The following CNBD1 variants were observed in gnomAD, a reference collection of about 807,000 sequenced individuals.
CNBD1 encodes cyclic nucleotide-binding domain-containing protein 1.
Under a neutral mutation model 54.4 loss-of-function variants are expected in CNBD1, and 71 were observed. The observed-to-expected ratio is 1.30, with a 90% confidence interval of 1.08 to 1.59. CNBD1 has a LOEUF of 1.59. CNBD1 is among the 40% of genes most tolerant of loss of function. The pLI is 0.00. For synonymous variants in CNBD1, 182 were observed against 170.7 expected, an observed-to-expected ratio of 1.07 and a Z score of -0.51; for missense variants, 659 against 518.0, an observed-to-expected ratio of 1.27 and a Z score of -2.64.
chr8:87,234,757 A>G (rs1807537559), intron 5 of CNBD1, among the ~76,000 whole-genome samples: 1 of 152,144 alleles, frequency 6.6e-6, no homozygotes, highest in Non-Finnish European at 1.5e-5. Flanking sequence ...GCTGCATGTC[A>G]CAGTCAGCTG....
At chr8:87,243,169 A>G (rs771236660) in intron 6 of CNBD1, among the ~76,000 whole-genome samples, 1 of 152,236 alleles carries the variant, frequency 6.6e-6, no homozygotes, top group Non-Finnish European at 1.5e-5. Context: ...ACTGCCCAGT[A>G]CATCTGAGGT....
chr8:87,247,632 A>C (rs927653950), intron 6 of CNBD1, among the ~76,000 whole-genome samples: 2 of 151,934 alleles, frequency 1.3e-5, no homozygotes, highest in Admixed American at 1.3e-4. Flanking sequence ...TTTTTTTTCT[A>C]TAAGAAATCT....
chr8:87,129,094 A>AAAAAAAAAAAAAAAAAAAAAAT (rs1491092510), intron 4 of CNBD1, among the ~76,000 whole-genome samples: 1 of 136,292 alleles, frequency 7.3e-6, no homozygotes, highest in Non-Finnish European at 1.5e-5. Flanking sequence ...AAAAAAAAGA[A>AAAAAAAAAAAAAAAAAAAAAAT]TTTTGCTATC....
chr8:87,262,954 T>G (rs4574862), intron 6 of CNBD1, among the ~76,000 whole-genome samples: 42,785 of 152,010 alleles, frequency 0.28, 6,472 homozygotes, highest in African/African-American at 0.39. Flanking sequence ...AGCTTCAGTT[T>G]AATGCTATGA....
At chr8:87,379,564 G>T (rs1234056355) in intron 10 of CNBD1, among the ~76,000 whole-genome samples, 1 of 151,796 alleles carries the variant, frequency 6.6e-6, no homozygotes, top group African/African-American at 2.4e-5. Flanking sequence ...AAATCCATGA[G>T]AAATAGATCT....
intron 4 of CNBD1, among the ~76,000 whole-genome samples, chr8:87,128,606 C>A (rs549195955): frequency 6.6e-6 from 1 of 152,126 alleles, no homozygotes; most frequent in Non-Finnish European, 1.5e-5. Context: ...TGACAAATAC[C>A]TTTTCTGTTT....
intron 8 of CNBD1, among the ~76,000 whole-genome samples, chr8:87,345,204 A>C (rs1183263720): frequency 6.6e-6 from 1 of 152,156 alleles, no homozygotes; most frequent in African/African-American, 2.4e-5. Flanking sequence ...AAGCATATAC[A>C]CTTATCTATT....
At chr8:86,894,431 C>T (rs920192361) in intron 2 of CNBD1, among the ~76,000 whole-genome samples, 24 of 152,102 alleles carry the variant, frequency 1.6e-4, no homozygotes, top group Non-Finnish European at 2.9e-4. Flanking sequence ...CCATACATAC[C>T]TTGACCCCTC....
At chr8:87,370,383 C>T (rs1024648938) in intron 10 of CNBD1, among the ~76,000 whole-genome samples, 1 of 152,262 alleles carries the variant, frequency 6.6e-6, no homozygotes, top group Middle Eastern at 3.4e-3. Context: ...TACTCTCCAG[C>T]ACCTGTTGTT....
At chr8:87,000,010 G>A (rs1808959886) in intron 4 of CNBD1, among the ~76,000 whole-genome samples, 1 of 152,080 alleles carries the variant, frequency 6.6e-6, no homozygotes, top group African/African-American at 2.4e-5. Flanking sequence ...AAAAGGTCAT[G>A]GGTTCTGTAT....
At chr8:87,370,428 G>A (rs1810755102) in intron 10 of CNBD1, among the ~76,000 whole-genome samples, 3 of 152,086 alleles carry the variant, frequency 2.0e-5, no homozygotes, top group East Asian at 1.9e-4. Flanking sequence ...TCTAACTGGT[G>A]TGAGATGGTA....
chr8:86,962,323 T>C (rs1430193337), intron 4 of CNBD1, among the ~76,000 whole-genome samples: 2 of 152,218 alleles, frequency 1.3e-5, no homozygotes, highest in African/African-American at 2.4e-5. Context: ...TTGATAACCA[T>C]GGACATCTAC....
At position 86,894,035 on chromosome 8, in the gene CNBD1, A is replaced by ATTTTTTTTTTTTTTTTTTTTTTT. The variant is rs869060076; in HGVS notation, c.158+6439_158+6461dup. On this transcript the variant is annotated intron_variant, in intron 2 of 10. Coordinates refer to ENST00000518476, the MANE Select transcript of CNBD1 (RefSeq NM_173538.3). ...TTTATTCATATATTTTAATAGATTAATTTTTTTTTTTTTTTTTTTTTTTTT... is the reference window on the plus strand; with the variant it reads ...TTTATTCATATATTTTAATAGATTAATTTTTTTTTTTTTTTTTTTTTTTTTTTTTTTTTTTTTTTTTTTTTTTT... Among the ~76,000 whole-genome samples, 2 of 52,342 alleles carry ATTTTTTTTTTTTTTTTTTTTTTT rather than the reference A, an allele frequency of 3.8e-5. 1 individual carries two copies. The highest frequency in any genetic ancestry group is 7.1e-5 in the Non-Finnish European group (2 of 28,064). The allele number at this position is 52,342 out of a possible 152,430, so 34.3% of individuals were successfully genotyped here.
chr8:87,260,619 C>G (rs1808117463), intron 6 of CNBD1, among the ~76,000 whole-genome samples: 1 of 152,106 alleles, frequency 6.6e-6, no homozygotes, highest in South Asian at 2.1e-4. Context: ...TGGTAAGAAA[C>G]TCTTACCCTT....
intron 10 of CNBD1, among the ~76,000 whole-genome samples, chr8:87,368,207 T>C (rs1810683715): frequency 7.1e-6 from 1 of 141,002 alleles, no homozygotes; most frequent in African/African-American, 2.6e-5. Flanking sequence ...AGAATTTGGG[T>C]TTTGGTTGGG....
intron 8 of CNBD1, among the ~76,000 whole-genome samples, chr8:87,327,347 C>CGGCTGCTT (rs1217076728): frequency 1.4e-5 from 2 of 145,778 alleles, no homozygotes; most frequent in East Asian, 3.9e-4. Context: ...TCGAGCTTCC[C>CGGCTGCTT]GGCTGCTTTG....
At chr8:87,099,056 A>AAC (rs1811376176) in intron 4 of CNBD1, among the ~76,000 whole-genome samples, 1 of 147,376 alleles carries the variant, frequency 6.8e-6, no homozygotes, top group Non-Finnish European at 1.5e-5. Flanking sequence ...AAAAAAAAAA[A>AAC]AAAACAAAAC....
intron 2 of CNBD1, among the ~76,000 whole-genome samples, chr8:86,889,153 AACAGG>A (rs1808728413): frequency 6.6e-6 from 1 of 152,156 alleles, no homozygotes; most frequent in Non-Finnish European, 1.5e-5. Context: ...GGCCTGGGGG[AACAGG>A]TTTTAAGGTA....
At chr8:87,406,439 T>C in intron 2 of CNBD1, among the ~76,000 whole-genome samples, 1 of 133,918 alleles carries the variant, frequency 7.5e-6, no homozygotes, top group East Asian at 2.1e-4. Flanking sequence ...TACATATATA[T>C]GTGTGTATAC....
Sources: gnomAD v4.1 joint callset for allele counts (sites outside exome capture counted in the v4.1 genomes callset) on GRCh38, gnomAD v4.1.1 for gene constraint, MANE v1.5 for transcripts, NCBI Gene and HGNC (gene_info 2026-07-23, HGNC 2026-07-21) for gene names.